Variants in SLC26A4 observed in about 807,000 individuals in gnomAD.
SLC26A4 encodes the protein pendrin.
SLC26A4 carries 93 observed loss-of-function variants against 90.4 expected under a neutral mutation model. That is an observed-to-expected ratio of 1.03 (90% CI 0.87 to 1.22). SLC26A4 has a LOEUF of 1.22. SLC26A4 is among the 50% of genes most tolerant of loss of function. The pLI is 0.00. For missense variants in SLC26A4, 1,127 were observed against 946.2 expected (o/e 1.19, Z -2.51); for synonymous variants, 393 against 354.6 (o/e 1.11, Z -1.22).
At chr7:107,682,352 A>T (rs913637955) in intron 6 of SLC26A4, among the ~76,000 whole-genome samples, 3 of 152,016 alleles carry the variant, frequency 2.0e-5, no homozygotes, top group African/African-American at 7.2e-5. Context: ...ACAGAAAAAA[A>T]CTACAGATTC....
In SLC26A4 at chr7:107,661,754, GGCGCCTGCAGGA is replaced by G. The variant is rs1187878590; in HGVS notation, c.118_129del (p.Leu40_Arg43del). On this transcript the variant is annotated inframe_deletion, in exon 2 of 21. Transcript: ENST00000644269. The surrounding 1 kb of genome is among the most constrained non-coding windows in gnomAD (Gnocchi z 5.1). The stretch of plus-strand genomic sequence containing the variant: ...CTCGCTTTCCAGCAACAGCACGAGC[GGCGCCTGCAGGA>G]GCGCAAGACGCTGCGGGAGAGCCTG... 6.5e-7 allele frequency: 1 copy of G among 1,545,688 alleles called. No homozygotes were observed. Among genetic ancestry groups the G allele is most frequent in the Admixed American group, 1.9e-5 (1 of 51,432 alleles).
chr7:107,682,361 T>C (rs946239391), intron 6 of SLC26A4, among the ~76,000 whole-genome samples: 1 of 151,848 alleles, frequency 6.6e-6, no homozygotes, highest in African/African-American at 2.4e-5. Context: ...AACTACAGAT[T>C]CAATTCAGCT....
intron 10 of SLC26A4, chr7:107,693,747 A>G: frequency 1.0e-6 from 1 of 993,416 alleles, no homozygotes; most frequent in Non-Finnish European, 1.2e-6. Flanking sequence ...CCGTTACTCC[A>G]TAGTCACTGT....
chr7:107,667,316 G>A (rs1032674985), intron 3 of SLC26A4, among the ~76,000 whole-genome samples: 2 of 152,068 alleles, frequency 1.3e-5, no homozygotes, highest in East Asian at 3.9e-4. Flanking sequence ...AGAAAGGGCA[G>A]GTGTAGAAGA....
chr7:107,682,763 T>A (rs1176718716), intron 6 of SLC26A4, among the ~76,000 whole-genome samples: 1 of 152,126 alleles, frequency 6.6e-6, no homozygotes, highest in African/African-American at 2.4e-5. Context: ...CAATGCTGTA[T>A]CACTGTAGTA....
chr7:107,702,951 C>T (rs1791938186), intron 17 of SLC26A4, among the ~76,000 whole-genome samples: 1 of 152,026 alleles, frequency 6.6e-6, no homozygotes. Flanking sequence ...AAGGTCAAAG[C>T]AAGAGTTGAG....
intron 17 of SLC26A4, among the ~76,000 whole-genome samples, chr7:107,702,823 A>G (rs924768448): frequency 1.3e-5 from 2 of 152,192 alleles, no homozygotes; most frequent in South Asian, 2.1e-4. Flanking sequence ...TTTATTAAGT[A>G]TTACATTTCT....
chr7:107,678,340 C>T (rs1490207589), intron 6 of SLC26A4, among the ~76,000 whole-genome samples: 1 of 152,202 alleles, frequency 6.6e-6, no homozygotes, highest in African/African-American at 2.4e-5. Flanking sequence ...ACTGAGTATT[C>T]TCACCTCACT....
chr7:107,669,362 ACT>A (rs1407987024), intron 3 of SLC26A4, among the ~76,000 whole-genome samples: 1 of 152,178 alleles, frequency 6.6e-6, no homozygotes, highest in African/African-American at 2.4e-5. Context: ...TAAATGGGAC[ACT>A]CTGTATGAAA....
intron 10 of SLC26A4, 82 bp downstream of exon 10, chr7:107,690,319 C>T (rs1189474215): frequency 3.4e-6 from 3 of 878,354 alleles, no homozygotes; most frequent in Non-Finnish European, 5.8e-6. Context: ...CCGAGCTTAG[C>T]AGGACAATTT....
chr7:107,678,318 A>G (rs377195966), intron 6 of SLC26A4, among the ~76,000 whole-genome samples: 2 of 152,178 alleles, frequency 1.3e-5, no homozygotes, highest in East Asian at 3.8e-4. Flanking sequence ...TTAACCTACC[A>G]AGACATCTCT....
In SLC26A4 at chr7:107,683,480, A is replaced by G. The variant is rs1407294004; in HGVS notation, c.944A>G (p.Tyr315Cys). The change falls in exon 8 of 21, where the codon TAT (tyrosine) becomes TGT (cysteine). Residue 315 changes from tyrosine to cysteine, a missense_variant. By Grantham distance (194) the Tyr-to-Cys change is radical. Coordinates refer to ENST00000644269, the MANE Select transcript of SLC26A4 (RefSeq NM_000441.2). Reference sequence around the variant, plus strand: ...ACGATAATTGCTACTGCCATTTCATATGGAGCCAACCTGGAAAAAAATTAC... The same window carrying G: ...ACGATAATTGCTACTGCCATTTCATGTGGAGCCAACCTGGAAAAAAATTAC... ...IVTIIATAIS[Y>C]GANLEKNYNA... 6 of 1,613,952 alleles carry G rather than the reference A, an allele frequency of 3.7e-6. No individual in the cohort carries two copies. The Admixed American group carries it at 1.0e-4, about 27-fold the overall frequency.
At chr7:107,681,895 G>A (rs920036275) in intron 6 of SLC26A4, among the ~76,000 whole-genome samples, 26 of 151,606 alleles carry the variant, frequency 1.7e-4, no homozygotes, top group Non-Finnish European at 3.4e-4. Flanking sequence ...ACCAGTCTGG[G>A]CAACAAAGTG....
chr7:107,692,538 A>G (rs1052616117), intron 10 of SLC26A4, among the ~76,000 whole-genome samples: 1 of 152,232 alleles, frequency 6.6e-6, no homozygotes. Context: ...TCTATGATAC[A>G]TATATTGTGC....
At chr7:107,709,951 C>A in intron 18 of SLC26A4, 103 bp from the exon 19 acceptor site, 1 of 911,848 alleles carries the variant, frequency 1.1e-6, no homozygotes, top group Non-Finnish European at 1.8e-6. Flanking sequence ...AGCAATGATG[C>A]CACTGCACTC....
At chr7:107,688,507 T>A (rs1464957561) in intron 8 of SLC26A4, among the ~76,000 whole-genome samples, 1 of 152,216 alleles carries the variant, frequency 6.6e-6, no homozygotes, top group East Asian at 1.9e-4. Context: ...TTAGTCACTA[T>A]GGAGCGTTGT....
chr7:107,702,188 A>T (rs1413049608), intron 17 of SLC26A4, 131 bp downstream of exon 17: 1 of 724,446 alleles, frequency 1.4e-6, no homozygotes, highest in Non-Finnish European at 2.5e-6. Context: ...TTTGTAAAAA[A>T]GTGTAATATT....
In SLC26A4 at chr7:107,663,391, A is replaced by G. The variant is rs111033344; in HGVS notation, c.260A>G (p.Asp87Gly). 13 of 1,614,018 alleles carry G rather than the reference A, an allele frequency of 8.1e-6. No homozygotes were observed. The highest frequency in any genetic ancestry group is 1.1e-5 in the Non-Finnish European group (13 of 1,179,970). ...CGAGTCAAGGAATGGCTGCTTAGTG[A>G]CGTCATTTCGGGAGTTAGTACTGGG... ...KYRVKEWLLS[D>G]VISGVSTGLV... is the part of the protein sequence containing the mutation. The change falls in exon 3 of 21, where the codon GAC (aspartate) becomes GGC (glycine). Residue 87 changes from aspartate to glycine, a missense_variant. Physicochemically the swap from Asp to Gly is moderately conservative, Grantham distance 94. Transcript: ENST00000644269.
chr7:107,674,962 G>A lies in SLC26A4; in HGVS notation c.618G>A (p.Leu206=). ...TATCGTAGTTGATATTTGGTGGCTTGCAGATTGGATTCATAGTGAGGTACT... is the reference window on the plus strand; with the variant it reads ...TATCGTAGTTGATATTTGGTGGCTTACAGATTGGATTCATAGTGAGGTACT... The part of the protein sequence containing the change: ...VGIIQLIFGG[L]QIGFIVRYLA... The change falls in exon 6 of 21, where the codon TTG becomes TTA. Residue 206 remains leucine, a synonymous_variant. Transcript: ENST00000644269. 6.2e-7 allele frequency: 1 copy of A among 1,614,040 alleles called. No homozygotes were observed.
Sources: allele counts gnomAD v4.1 joint callset (sites outside exome capture counted in the v4.1 genomes callset), GRCh38; gene constraint gnomAD v4.1.1; non-coding constraint Gnocchi (gnomAD v3.1); transcripts MANE v1.5; gene names NCBI Gene and HGNC (gene_info 2026-07-23, HGNC 2026-07-21).